SPECC1: variants seen among roughly 807,000 people sequenced by gnomAD.
SPECC1 encodes the protein cytospin-B.
A neutral mutation model predicts 104.1 loss-of-function variants in SPECC1; 62 were observed. That is an observed-to-expected ratio of 0.60 (90% CI 0.49 to 0.74). The LOEUF is 0.74. SPECC1 is among the 30% of genes least tolerant of loss of function. The pLI is 0.00. For missense variants in SPECC1, 1,306 were observed against 1,310.5 expected, an observed-to-expected ratio of 1.00 and a Z score of 0.05; for synonymous variants, 513 against 501.6, an observed-to-expected ratio of 1.02 and a Z score of -0.30.
intron 14 of SPECC1, among the ~76,000 whole-genome samples, chr17:20,306,992 T>TCTATTTTTAAATA (rs2041786819): frequency 1.3e-5 from 2 of 152,142 alleles, no homozygotes; most frequent in Non-Finnish European, 2.9e-5. Flanking sequence ...AAGGAAAGAA[T>TCTATTTTTAAATA]GATTCTATTT....
intron 3 of SPECC1, among the ~76,000 whole-genome samples, chr17:20,150,694 CTATT>C (rs1297183466): frequency 3.3e-5 from 5 of 150,012 alleles, no homozygotes; most frequent in Non-Finnish European, 7.4e-5. Context: ...TGGCCTGTAA[CTATT>C]TCTTTCAAAT....
Position 20,203,153 on chromosome 17 carries a change from A to G in SPECC1, c.284-1180A>G, listed in dbSNP as rs149563539. Among the ~76,000 whole-genome samples the G allele has an allele frequency of 1.7e-3, 252 of 152,124 alleles. 1 individual carries two copies. The highest frequency in any genetic ancestry group is 1.9e-3 in the Non-Finnish European group (132 of 67,998). Reference sequence around the variant, plus strand: ...GAACATTCCCTCCCGTGCCCTTCCTACACTGTAGAGGCCTACAGGTTGATG... The same window carrying G: ...GAACATTCCCTCCCGTGCCCTTCCTGCACTGTAGAGGCCTACAGGTTGATG... On this transcript the variant is annotated intron_variant, in intron 3 of 14. Transcript: ENST00000395527.
At chr17:20,291,783 G>C (rs998633185) in intron 12 of SPECC1, among the ~76,000 whole-genome samples, 3 of 152,010 alleles carry the variant, frequency 2.0e-5, no homozygotes, top group African/African-American at 7.3e-5. Flanking sequence ...GAGCTCAAGT[G>C]ATCTGCCTGC....
intron 1 of SPECC1, among the ~76,000 whole-genome samples, chr17:20,037,491 T>C (rs1462012413): frequency 6.6e-6 from 1 of 151,584 alleles, no homozygotes; most frequent in African/African-American, 2.4e-5. Flanking sequence ...AGTGCTTCTT[T>C]TTTTTTTTTT....
intron 1 of SPECC1, chr17:20,073,791 T>TTAGG (rs2046653832): frequency 6.6e-6 from 1 of 152,176 alleles, no homozygotes; most frequent in African/African-American, 2.4e-5. Flanking sequence ...GTACAATGTC[T>TTAGG]TACAGACCCA....
chr17:20,035,951 G>C (rs543284439), intron 1 of SPECC1, among the ~76,000 whole-genome samples: 1 of 151,362 alleles, frequency 6.6e-6, no homozygotes, highest in East Asian at 2.0e-4. Context: ...AGCCTCCTGA[G>C]TAGCTGAGAC....
At chr17:20,117,856 G>A (rs1463970024) in intron 3 of SPECC1, among the ~76,000 whole-genome samples, 1 of 152,022 alleles carries the variant, frequency 6.6e-6, no homozygotes, top group Non-Finnish European at 1.5e-5. Context: ...TGTAATCCTA[G>A]CACCTTGGGA....
chr17:20,259,919 T>G (rs1372692408), intron 11 of SPECC1, among the ~76,000 whole-genome samples: 1 of 152,172 alleles, frequency 6.6e-6, no homozygotes, highest in Non-Finnish European at 1.5e-5. Flanking sequence ...AGTAAACAAA[T>G]GAAAGACTAG....
At chr17:20,224,438 G>A (rs919483253) in intron 4 of SPECC1, among the ~76,000 whole-genome samples, 1 of 152,222 alleles carries the variant, frequency 6.6e-6, no homozygotes, top group Non-Finnish European at 1.5e-5. Context: ...AGGGTGATGG[G>A]TTCCCTTCTA....
chr17:20,137,995 G>T (rs566306940), intron 3 of SPECC1, among the ~76,000 whole-genome samples: 1 of 151,592 alleles, frequency 6.6e-6, no homozygotes, highest in Admixed American at 6.6e-5. Context: ...ATGCAACAGG[G>T]TCTCACTCTG....
rs138708631 is a variant in SPECC1, at chr17:20,284,320, T to G, written c.2941-12641T>G. On this transcript the variant is annotated intron_variant, in intron 12 of 14. Transcript: ENST00000395527. ...AGAGAGGGGCAGCCAAAGCTGCACA[T>G]TTTATGGAATGGGGCATCAGAAAGG... Among the ~76,000 whole-genome samples the G allele has an allele frequency of 3.3e-5, 5 of 152,266 alleles. 1 individual carries two copies. Among genetic ancestry groups the G allele is most frequent in the African/African-American group, 1.2e-4 (5 of 41,546 alleles).
chr17:20,155,835 CGG>C, intron 3 of SPECC1: 5 of 856,066 alleles, frequency 5.8e-6, no homozygotes, highest in Non-Finnish European at 7.2e-6. Context: ...GTCCCGCCCA[CGG>C]CGCGGGGCCT....
intron 12 of SPECC1, among the ~76,000 whole-genome samples, chr17:20,282,013 T>C (rs940605439): frequency 3.3e-5 from 5 of 152,188 alleles, no homozygotes; most frequent in Non-Finnish European, 5.9e-5. Context: ...GCACTGCCAG[T>C]GGAACTGCTG....
intron 4 of SPECC1, 71 bp from the exon 5 acceptor site, chr17:20,227,342 C>A: frequency 7.4e-7 from 1 of 1,351,376 alleles, no homozygotes; most frequent in Non-Finnish European, 1.0e-6. Context: ...GGGGCTTGGC[C>A]TTCTAGTGTA....
chr17:20,129,627 A>G (rs1473388052), intron 3 of SPECC1, among the ~76,000 whole-genome samples: 1 of 152,132 alleles, frequency 6.6e-6, no homozygotes, highest in African/African-American at 2.4e-5. Flanking sequence ...AGGGTCTTTC[A>G]CAGACCAAAA....
chr17:20,284,770 A>G (rs1013862281), intron 12 of SPECC1, among the ~76,000 whole-genome samples: 1 of 152,240 alleles, frequency 6.6e-6, no homozygotes, highest in Non-Finnish European at 1.5e-5. Flanking sequence ...TGTGATAATA[A>G]AGACCAATTG....
intron 4 of SPECC1, among the ~76,000 whole-genome samples, chr17:20,216,828 T>C (rs1327838773): frequency 6.6e-6 from 1 of 152,140 alleles, no homozygotes; most frequent in Non-Finnish European, 1.5e-5. Context: ...GCTGGGTGTC[T>C]AAGAGTGTGA....
chr17:20,253,434 A>G (rs2039705730), intron 9 of SPECC1, 71 bp from the exon 10 acceptor site: 13 of 1,496,206 alleles, frequency 8.7e-6, no homozygotes, highest in South Asian at 3.5e-5. Flanking sequence ...GCATGCACAC[A>G]CACACATCTG....
intron 4 of SPECC1, among the ~76,000 whole-genome samples, chr17:20,226,336 T>C (rs2038203002): frequency 6.6e-6 from 1 of 152,196 alleles, no homozygotes; most frequent in Admixed American, 6.5e-5. Flanking sequence ...CATAGTATTG[T>C]AGAGGACAAA....
Sources: gnomAD v4.1 joint callset for allele counts (sites outside exome capture counted in the v4.1 genomes callset) on GRCh38, gnomAD v4.1.1 for gene constraint, MANE v1.5 for transcripts, NCBI Gene and HGNC (gene_info 2026-07-23, HGNC 2026-07-21) for gene names.